SDK2: variants seen among roughly 807,000 people sequenced by gnomAD.
SDK2 encodes the protein sidekick cell adhesion molecule 2, also known as protein sidekick-2.
In SDK2, 105 loss-of-function variants were observed where a neutral mutation model predicts 253.9. The ratio of observed to expected loss-of-function variants is 0.41; its 90% CI spans 0.35 to 0.49. SDK2 has a LOEUF of 0.49. Among genes scored for constraint, SDK2 ranks in the 20% least tolerant of loss-of-function variants. SDK2 has a pLI of 0.06. For synonymous variants in SDK2, 1,249 were observed against 1,234.9 expected, an observed-to-expected ratio of 1.01 and a Z score of -0.24; for missense variants, 2,608 against 3,003.0, an observed-to-expected ratio of 0.87 and a Z score of 3.07.
intron 5 of SDK2, among the ~76,000 whole-genome samples, chr17:73,446,583 G>C (rs1480242971): frequency 6.6e-6 from 1 of 152,228 alleles, no homozygotes; most frequent in Non-Finnish European, 1.5e-5. Context: ...ATGGACAGCA[G>C]AGGCTAGGAT....
At chr17:73,364,963 A>C (rs1339442725) in intron 38 of SDK2, among the ~76,000 whole-genome samples, 1 of 152,146 alleles carries the variant, frequency 6.6e-6, no homozygotes, top group Non-Finnish European at 1.5e-5. Flanking sequence ...CTGTCCACTC[A>C]GGTTTCCCTT....
At chr17:73,441,584 A>G (rs933843568) in intron 5 of SDK2, among the ~76,000 whole-genome samples, 4 of 152,228 alleles carry the variant, frequency 2.6e-5, no homozygotes, top group Non-Finnish European at 4.4e-5. Flanking sequence ...GCCACAAGCC[A>G]AGGAATGCCA....
chr17:73,462,445 T>C (rs2063570274), intron 3 of SDK2, among the ~76,000 whole-genome samples: 2 of 10,536 alleles, frequency 1.9e-4, no homozygotes, highest in African/African-American at 2.1e-4. Context: ...ATGGTATATA[T>C]ATATACACAC....
Position 73,334,664 on chromosome 17 carries a change from G to A in SDK2, c.*3923C>T, listed in dbSNP as rs1056744961. The A allele has an allele frequency of 5.3e-5, 8 of 152,182 alleles. No homozygotes were observed. Among genetic ancestry groups the A allele is most frequent in the Non-Finnish European group, 1.2e-4 (8 of 68,030 alleles). The allele number at this position is 152,182 out of a possible 1,614,324, so 9.4% of individuals were successfully genotyped here. On this transcript the variant is annotated 3_prime_UTR_variant, in exon 45 of 45. Transcript: ENST00000392650. ...CTAGATGGATGGAGAAAGGTAACAC[G>A]TTTAAATGCTTTTGGTTATTCTGAT...
chr17:73,485,866 GA>G (rs956076478), intron 2 of SDK2, among the ~76,000 whole-genome samples: 27 of 152,194 alleles, frequency 1.8e-4, no homozygotes, highest in Non-Finnish European at 3.8e-4. Context: ...GTCTGTCCTG[GA>G]CCAGAAAATG....
intron 3 of SDK2, among the ~76,000 whole-genome samples, chr17:73,464,004 GTGT>G (rs1261779550): frequency 6.6e-6 from 1 of 152,030 alleles, no homozygotes; most frequent in Admixed American, 6.6e-5. Flanking sequence ...CCAACACTTG[GTGT>G]TGTTAGACTG....
intron 1 of SDK2, among the ~76,000 whole-genome samples, chr17:73,550,577 C>T (rs9910688): frequency 0.2 from 29,722 of 151,940 alleles, 4,590 homozygotes; most frequent in African/African-American, 0.43. Flanking sequence ...AGCTTTTGAC[C>T]GTCTCCCATT....
Position 73,577,261 on chromosome 17 carries a change from C to T in SDK2, c.64+66764G>A, listed in dbSNP as rs9913909. Among the ~76,000 whole-genome samples the T allele has an allele frequency of 5.5e-3, 843 of 152,340 alleles. 10 individuals carry two copies. Among genetic ancestry groups the T allele is most frequent in the African/African-American group, 0.018 (730 of 41,574 alleles). ...CCCATAAAGAGACCTGTAAAGTCTT[C>T]AGTGGAATTTATCCAAAAAAACTCT... On this transcript the variant is annotated intron_variant, in intron 1 of 44. Transcript: ENST00000392650.
At chr17:73,550,922 G>A (rs1251758026) in intron 1 of SDK2, among the ~76,000 whole-genome samples, 1 of 152,038 alleles carries the variant, frequency 6.6e-6, no homozygotes, top group African/African-American at 2.4e-5. Context: ...GGAAGCCAGT[G>A]GAGGCAGGAG....
In SDK2 at chr17:73,391,462, G is replaced by A. The variant is rs577548698; in HGVS notation, c.3975C>T (p.Ala1325=). The A allele has an allele frequency of 1.1e-5, 15 of 1,310,300 alleles. No individual in the cohort carries two copies. The African/African-American group carries it at 1.2e-4, about 11-fold the overall frequency. 81.2% of individuals were successfully genotyped at this position (1,310,300 alleles called of 1,614,324 possible). A position where few individuals can be genotyped will look rare whatever the true frequency, so the allele number is the denominator to read the frequency against. ...TSVRLIWQPP[A]APNGIILAYQ... ...TACCAAGAATGATGCCATTGGGGGC[G>A]GCAGGGGGCTGCCAGATCAGCCGCA... The change falls in exon 28 of 45, where the codon GCC becomes GCT. Residue 1325 remains alanine, a synonymous_variant. Coordinates refer to ENST00000392650, the MANE Select transcript of SDK2 (RefSeq NM_001144952.2).
intron 1 of SDK2, among the ~76,000 whole-genome samples, chr17:73,627,073 C>T (rs2046211497): frequency 6.6e-6 from 1 of 152,168 alleles, no homozygotes; most frequent in African/African-American, 2.4e-5. Flanking sequence ...ATATTTTGAA[C>T]CAACTCTACC....
rs188897917 is a variant in SDK2, at chr17:73,562,383, C to A, written c.65-54786G>T. On this transcript the variant is annotated intron_variant, in intron 1 of 44. Coordinates refer to ENST00000392650, the MANE Select transcript of SDK2 (RefSeq NM_001144952.2). ...GTTTAATTACTGAATTTTGGGAGCACCCCCCTAAGATTTTGGGCTTGGTCT... is the reference window on the plus strand; with the variant it reads ...GTTTAATTACTGAATTTTGGGAGCAACCCCCTAAGATTTTGGGCTTGGTCT... Among the ~76,000 whole-genome samples, 235 of 146,290 alleles carry A rather than the reference C, an allele frequency of 1.6e-3. 1 individual carries two copies. The highest frequency in any genetic ancestry group is 6.8e-3 in the Middle Eastern group (2 of 292).
chr17:73,469,747 AG>A (rs2063630758), intron 3 of SDK2, among the ~76,000 whole-genome samples: 1 of 152,154 alleles, frequency 6.6e-6, no homozygotes, highest in African/African-American at 2.4e-5. Context: ...GTCTGGGCTC[AG>A]GGATTCCTAT....
intron 1 of SDK2, among the ~76,000 whole-genome samples, chr17:73,610,936 C>T (rs961688255): frequency 6.6e-6 from 1 of 152,136 alleles, no homozygotes; most frequent in Non-Finnish European, 1.5e-5. Context: ...CCCCCCACCT[C>T]CCAGTTCTCA....
intron 12 of SDK2, among the ~76,000 whole-genome samples, chr17:73,426,046 T>C (rs534118912): frequency 1.3e-5 from 2 of 151,526 alleles, no homozygotes; most frequent in African/African-American, 4.8e-5. Context: ...TTTTTATATT[T>C]TATTTTATTT....
chr17:73,440,555 T>C (rs1489695794), intron 6 of SDK2, among the ~76,000 whole-genome samples: 1 of 152,168 alleles, frequency 6.6e-6, no homozygotes, highest in African/African-American at 2.4e-5. Context: ...TCCAGTCCTG[T>C]ACGTCCCAGG....
At chr17:73,475,405 G>A (rs2063679532) in intron 2 of SDK2, among the ~76,000 whole-genome samples, 1 of 152,142 alleles carries the variant, frequency 6.6e-6, no homozygotes, top group Non-Finnish European at 1.5e-5. Flanking sequence ...ACCCACCTCG[G>A]CCTCCCAAAC....
At position 73,455,836 on chromosome 17, in the gene SDK2, T is replaced by A. The variant is rs113078361; in HGVS notation, c.479+70A>T. 6.8e-7 allele frequency: 1 copy of A among 1,467,334 alleles called. No individual in the cohort carries two copies. The highest frequency in any genetic ancestry group is 1.4e-5 in the African/African-American group (1 of 70,900). 90.9% of individuals were successfully genotyped at this position (1,467,334 alleles called of 1,614,324 possible). On this transcript the variant is annotated intron_variant, in intron 4 of 44. Coordinates refer to ENST00000392650, the MANE Select transcript of SDK2 (RefSeq NM_001144952.2). This position sits in a 1 kb window ranked among gnomAD's most constrained non-coding sequence, Gnocchi z 5.0. ...GCCCTCCTCCACACTCAAGGGAGAC[T>A]TTATCTGGCCCCAAACCTCCTCCCC... is the stretch of plus-strand genomic sequence containing the variant.
intron 1 of SDK2, among the ~76,000 whole-genome samples, chr17:73,627,620 G>C (rs2046218587): frequency 6.6e-6 from 1 of 152,260 alleles, no homozygotes; most frequent in Admixed American, 6.5e-5. Context: ...ACGGTGGGCA[G>C]TGGGTGGGAC....
Sources: allele counts gnomAD v4.1 joint callset (sites outside exome capture counted in the v4.1 genomes callset), GRCh38; gene constraint gnomAD v4.1.1; non-coding constraint Gnocchi (gnomAD v3.1); transcripts MANE v1.5; gene names NCBI Gene and HGNC (gene_info 2026-07-23, HGNC 2026-07-21).